FRYL: variants seen among roughly 807,000 people sequenced by gnomAD.
FRYL encodes protein furry homolog-like.
A neutral mutation model predicts 351.2 loss-of-function variants in FRYL; 150 were observed. The observed-to-expected ratio is 0.43, with a 90% CI of 0.37 to 0.49. The LOEUF (loss-of-function observed/expected upper bound fraction) is 0.49. FRYL is among the 20% of genes least tolerant of loss of function. The pLI, the probability that FRYL is intolerant of heterozygous loss-of-function variation, is 0.00. For missense variants in FRYL, 3,036 were observed against 3,619.3 expected (o/e 0.84, Z 4.13); for synonymous variants, 1,153 against 1,257.1 (o/e 0.92, Z 1.75).
intron 3 of FRYL, among the ~76,000 whole-genome samples, chr4:48,651,392 AAAC>A (rs1183158226): frequency 6.7e-6 from 1 of 148,618 alleles, no homozygotes; most frequent in Non-Finnish European, 1.5e-5. Context: ...GGCTGGACTC[AAAC>A]TCCTGGGCTC....
chr4:48,685,864 C>T (rs1413127540), intron 2 of FRYL, among the ~76,000 whole-genome samples: 2 of 152,134 alleles, frequency 1.3e-5, no homozygotes, highest in Non-Finnish European at 2.9e-5. Context: ...AGCGATTCTC[C>T]TGCCTCAGCC....
chr4:48,663,261 A>G (rs1761127358), intron 3 of FRYL, among the ~76,000 whole-genome samples: 1 of 151,746 alleles, frequency 6.6e-6, no homozygotes, highest in African/African-American at 2.4e-5. Flanking sequence ...TTATCCTACT[A>G]TTTGAAAGTA....
At chr4:48,693,447 C>G (rs1765851059) in intron 2 of FRYL, among the ~76,000 whole-genome samples, 1 of 151,980 alleles carries the variant, frequency 6.6e-6, no homozygotes, top group Admixed American at 6.6e-5. Flanking sequence ...AATGTTTGAG[C>G]TGAGGAATGG....
chr4:48,732,818 TA>T (rs1159661828), intron 1 of FRYL, among the ~76,000 whole-genome samples: 5 of 151,632 alleles, frequency 3.3e-5, no homozygotes, highest in African/African-American at 1.2e-4. Flanking sequence ...AAGAAATATC[TA>T]ATGTAGGTGA....
chr4:48,745,759 AAAAG>A (rs1772606597), intron 1 of FRYL, among the ~76,000 whole-genome samples: 1 of 152,198 alleles, frequency 6.6e-6, no homozygotes, highest in Admixed American at 6.5e-5. Context: ...TAATAATAAT[AAAAG>A]AAAGATATAT....
chr4:48,655,268 A>G (rs1189672310), intron 3 of FRYL, among the ~76,000 whole-genome samples: 1 of 152,154 alleles, frequency 6.6e-6, no homozygotes, highest in African/African-American at 2.4e-5. Flanking sequence ...AGTAAATTCA[A>G]ATCAGGAAGG....
chr4:48,648,500 A>T (rs1237377709), intron 3 of FRYL, among the ~76,000 whole-genome samples: 1 of 152,134 alleles, frequency 6.6e-6, no homozygotes, highest in Non-Finnish European at 1.5e-5. Flanking sequence ...GTATCACTTG[A>T]TCAGGGAAGC....
rs138421859 is a variant in FRYL at position 48,737,704 on chromosome 4, T to C, written c.-383-27006A>G. Among the ~76,000 whole-genome samples the C allele has an allele frequency of 2.4e-3, 360 of 152,266 alleles. 2 individuals are homozygous for C. Among genetic ancestry groups the C allele is most frequent in the African/African-American group, 7.8e-3 (326 of 41,558 alleles). ...TACAGACTAATATCGATCATGAACA[T>C]AGATGCAATTACCTTCAACAAAATA... On this transcript the variant is annotated intron_variant, in intron 1 of 63. Transcript: ENST00000358350.
chr4:48,768,122 G>A (rs1329657689), intron 1 of FRYL, among the ~76,000 whole-genome samples: 2 of 152,184 alleles, frequency 1.3e-5, no homozygotes, highest in African/African-American at 4.8e-5. Context: ...AAGGAAAGGT[G>A]GCAGTTGCAC....
At position 48,540,825 on chromosome 4, in the gene FRYL, A is replaced by G. The variant is rs1304565391; in HGVS notation, c.5823T>C (p.Ser1941=). ...LGYNSNARSN[S]LRLSLIGDRR... ...GGTCACCAATCAAACTTAATCTCAA[A>G]GAGTTACTTCTTGCATTACTGTTAT... Residue 1941 remains serine, a synonymous_variant, in exon 46 of 64, where the codon TCT becomes TCC. Transcript: ENST00000358350. 1.2e-6 allele frequency: 2 copies of G among 1,613,904 alleles called. No individual in the cohort carries two copies. Among genetic ancestry groups the G allele is most frequent in the East Asian group, 4.5e-5 (2 of 44,892 alleles).
intron 1 of FRYL, among the ~76,000 whole-genome samples, chr4:48,745,981 T>C (rs1772633405): frequency 6.6e-6 from 1 of 152,098 alleles, no homozygotes; most frequent in Non-Finnish European, 1.5e-5. Context: ...ATATATATGG[T>C]GGTTAACTGA....
chr4:48,748,509 C>A (rs1182193335), intron 1 of FRYL, among the ~76,000 whole-genome samples: 1 of 152,192 alleles, frequency 6.6e-6, no homozygotes, highest in Non-Finnish European at 1.5e-5. Context: ...CCTTTTTCCT[C>A]CTTCCTCCTG....
chr4:48,633,903 T>C (rs1025608498), intron 4 of FRYL, among the ~76,000 whole-genome samples: 3 of 152,200 alleles, frequency 2.0e-5, no homozygotes, highest in Admixed American at 2.0e-4. Context: ...TCAGTCTTTC[T>C]CTTCCCTCCT....
At chr4:48,623,042 C>T (rs1307113872) in intron 5 of FRYL, 84 bp downstream of exon 5, 15 of 783,412 alleles carry the variant, frequency 1.9e-5, no homozygotes, top group Middle Eastern at 2.3e-4. Flanking sequence ...TAAGGAATTC[C>T]TTAATATTGA....
In FRYL at chr4:48,586,662, A is replaced by G. The variant is rs1172127456; in HGVS notation, c.1707T>C (p.Pro569=). ...TCIAAIPRLI[P]DGMSRTDLIE... is the part of the protein sequence containing the mutation. Reference sequence around the variant, plus strand: ...TCAGGTCAGTTCTGCTCATACCGTCAGGAATCAACCTTGGAATCGCAGCAA... The same window carrying G: ...TCAGGTCAGTTCTGCTCATACCGTCGGGAATCAACCTTGGAATCGCAGCAA... The change falls in exon 19 of 64, where the codon CCT becomes CCC. Residue 569 remains proline, a synonymous_variant. Transcript: ENST00000358350. The G allele has an allele frequency of 5.0e-6, 8 of 1,612,206 alleles. No individual in the cohort carries two copies. The highest frequency in any genetic ancestry group is 5.1e-6 in the Non-Finnish European group (6 of 1,179,260).
At position 48,780,218 on chromosome 4, in the gene FRYL, C is replaced by T. The variant is rs1161471940; in HGVS notation, c.-524G>A. On this transcript the variant is annotated 5_prime_UTR_variant, in exon 1 of 64. Coordinates refer to ENST00000358350, the MANE Select transcript of FRYL (RefSeq NM_015030.2). ...CGGAACCGATCTGTGGTTAAACCTC[C>T]CTCCGACTCTGATTTTAACCGGATT... is the stretch of plus-strand genomic sequence containing the variant. 6.5e-6 allele frequency: 1 copy of T among 152,766 alleles called. No homozygotes were observed. The highest frequency in any genetic ancestry group is 1.9e-4 in the East Asian group (1 of 5,166). The allele number at this position is 152,766 out of a possible 1,614,324, so 9.5% of individuals were successfully genotyped here. A position where few individuals can be genotyped will look rare whatever the true frequency, so the allele number is the denominator to read the frequency against.
intron 3 of FRYL, among the ~76,000 whole-genome samples, chr4:48,642,676 A>G (rs1755578565): frequency 6.6e-6 from 1 of 152,082 alleles, no homozygotes; most frequent in Non-Finnish European, 1.5e-5. Flanking sequence ...CAGAAATATC[A>G]CTTATTATAA....
At chr4:48,756,665 T>G (rs977440554) in intron 1 of FRYL, among the ~76,000 whole-genome samples, 1 of 152,156 alleles carries the variant, frequency 6.6e-6, no homozygotes, top group Non-Finnish European at 1.5e-5. Flanking sequence ...AGAATTAAAA[T>G]TGACAGGAGA....
chr4:48,655,011 G>C (rs904635890), intron 3 of FRYL, among the ~76,000 whole-genome samples: 6 of 152,132 alleles, frequency 3.9e-5, no homozygotes, highest in Non-Finnish European at 8.8e-5. Flanking sequence ...GTAACACAAA[G>C]AATAAGGAAA....
Sources: allele counts gnomAD v4.1 joint callset (sites outside exome capture counted in the v4.1 genomes callset), GRCh38; gene constraint gnomAD v4.1.1; transcripts MANE v1.5; gene names NCBI Gene and HGNC (gene_info 2026-07-23, HGNC 2026-07-21).